The following IL17B variants were observed in gnomAD, a reference collection of about 807,000 sequenced individuals.
IL17B encodes the protein interleukin 17B.
IL17B carries 14 observed loss-of-function variants against 14.7 expected under a neutral mutation model. The ratio of observed to expected loss-of-function variants is 0.95; its 90% CI spans 0.63 to 1.49. IL17B has a LOEUF of 1.49. Among genes scored for constraint, IL17B ranks in the 40% most tolerant of loss-of-function variants. The pLI is 0.00. For missense variants in IL17B, 233 were observed against 252.8 expected, an observed-to-expected ratio of 0.92 and a Z score of 0.53; for synonymous variants, 105 against 94.8, an observed-to-expected ratio of 1.11 and a Z score of -0.62.
At position 149,403,466 on chromosome 5, in the gene IL17B, T is replaced by C. The variant is rs191976889; in HGVS notation, n.95+642A>G. 1.9e-3 allele frequency among the ~76,000 whole-genome samples: 287 copies of C among 152,306 alleles called. 1 individual carries two copies. Among genetic ancestry groups the C allele is most frequent in the African/African-American group, 6.4e-3 (267 of 41,564 alleles). On this transcript the variant is annotated intron_variant and non_coding_transcript_variant, in intron 1 of 2. Transcript: ENST00000505432. ...CAAATAATTATAGGCATTTCATCAC[T>C]AATTGTCCATATTCCCACCTCCCAC...
chr5:149,403,002 C>CA (rs36121550), intron 1 of IL17B, among the ~76,000 whole-genome samples: 687 of 60,428 alleles, frequency 0.011, 21 homozygotes, highest in South Asian at 0.017. Flanking sequence ...GACTCCATCT[C>CA]AAAAAAAAAA....
intron 1 of IL17B, among the ~76,000 whole-genome samples, chr5:149,403,302 T>C (rs890118551): frequency 2.0e-5 from 3 of 151,886 alleles, no homozygotes; most frequent in Non-Finnish European, 4.4e-5. Context: ...CCCAGGATGG[T>C]CTCAAACTCC....
At chr5:149,386,342 G>A (rs1332551085) in intron 1 of IL17B, among the ~76,000 whole-genome samples, 2 of 152,248 alleles carry the variant, frequency 1.3e-5, no homozygotes, top group African/African-American at 4.8e-5. Flanking sequence ...TGAGAGCTGT[G>A]CACAACACAA....
In IL17B at chr5:149,376,719, A is replaced by G. The variant is rs1365923961; in HGVS notation, c.311+17T>C. The G allele has an allele frequency of 1.9e-6, 3 of 1,584,026 alleles. No homozygotes were observed. The highest frequency in any genetic ancestry group is 2.6e-6 in the Non-Finnish European group (3 of 1,165,272). On this transcript the variant is annotated intron_variant, in intron 2 of 2. Transcript: ENST00000261796. ...CCCCACCCCCCAAAGACAGCTTGCCACCACTGCCCAGCCTACCTGTAGCCC... is the reference window on the plus strand; with the variant it reads ...CCCCACCCCCCAAAGACAGCTTGCCGCCACTGCCCAGCCTACCTGTAGCCC...
At chr5:149,400,802 G>T (rs533551774) in intron 1 of IL17B, among the ~76,000 whole-genome samples, 8 of 152,330 alleles carry the variant, frequency 5.3e-5, no homozygotes, top group Non-Finnish European at 1.2e-4. Context: ...AGCCAGGGGT[G>T]CCACTGGTGT....
At chr5:149,394,566 T>C (rs976858294) in intron 1 of IL17B, among the ~76,000 whole-genome samples, 4 of 152,232 alleles carry the variant, frequency 2.6e-5, no homozygotes, top group African/African-American at 4.8e-5. Flanking sequence ...TAGGACTCTC[T>C]AAAAGTCTTT....
upstream of IL17B, among the ~76,000 whole-genome samples, chr5:149,379,727 A>C (rs1365805162): frequency 6.6e-6 from 1 of 152,050 alleles, no homozygotes; most frequent in Admixed American, 6.5e-5. Context: ...AGCCTCAGGC[A>C]CTCCAGCCTC....
intron 1 of IL17B, among the ~76,000 whole-genome samples, chr5:149,391,265 G>T (rs1332641680): frequency 3.3e-5 from 5 of 152,074 alleles, no homozygotes; most frequent in Non-Finnish European, 7.4e-5. Flanking sequence ...TGCGCCCAGC[G>T]TTGGACCAGG....
intron 1 of IL17B, among the ~76,000 whole-genome samples, chr5:149,385,687 G>C (rs986281553): frequency 5.9e-5 from 9 of 152,366 alleles, no homozygotes; most frequent in Admixed American, 3.9e-4. Flanking sequence ...TTTATCCTCT[G>C]CTCAGAGTTT....
At chr5:149,386,384 C>T (rs574915225) in intron 1 of IL17B, among the ~76,000 whole-genome samples, 2 of 152,308 alleles carry the variant, frequency 1.3e-5, no homozygotes, top group Admixed American at 6.5e-5. Flanking sequence ...CTCTGACACA[C>T]ATCACATCAC....
At chr5:149,384,992 T>TCC (rs1758793441) in intron 1 of IL17B, among the ~76,000 whole-genome samples, 1 of 149,014 alleles carries the variant, frequency 6.7e-6, no homozygotes, top group Non-Finnish European at 1.5e-5. Flanking sequence ...CACTGCAGCC[T>TCC]CCGCCTCCCA....
chr5:149,387,391 G>A (rs914377208), intron 1 of IL17B, among the ~76,000 whole-genome samples: 2 of 152,194 alleles, frequency 1.3e-5, no homozygotes, highest in Non-Finnish European at 2.9e-5. Flanking sequence ...GGAGATGGAA[G>A]GTGTCCAGCC....
chr5:149,393,273 G>A (rs1354437763), intron 1 of IL17B, among the ~76,000 whole-genome samples: 1 of 152,072 alleles, frequency 6.6e-6, no homozygotes, highest in Non-Finnish European at 1.5e-5. Context: ...TCTTCAGGTC[G>A]CAGTGCACGC....
chr5:149,375,454 G>C (rs2227459), intron 2 of IL17B, among the ~76,000 whole-genome samples: 39 of 152,340 alleles, frequency 2.6e-4, no homozygotes, highest in African/African-American at 9.4e-4. Flanking sequence ...ATCTGAAGCT[G>C]CATTTTTATC....
chr5:149,378,833 T>C (rs980709396), intron 1 of IL17B, among the ~76,000 whole-genome samples: 2 of 151,902 alleles, frequency 1.3e-5, no homozygotes, highest in African/African-American at 4.8e-5. Flanking sequence ...AGAATCAAAG[T>C]CCCCCTCCCT....
intron 1 of IL17B, among the ~76,000 whole-genome samples, chr5:149,384,666 G>A (rs1413979606): frequency 1.3e-5 from 2 of 152,172 alleles, no homozygotes; most frequent in Non-Finnish European, 2.9e-5. Flanking sequence ...CTGGCACAGG[G>A]AATGGCCCTG....
chr5:149,383,951 G>C (rs1758764482), upstream of IL17B, among the ~76,000 whole-genome samples: 1 of 152,274 alleles, frequency 6.6e-6, no homozygotes, highest in South Asian at 2.1e-4. Context: ...TGTGTTTCTG[G>C]GTTGCAAATT....
intron 1 of IL17B, among the ~76,000 whole-genome samples, chr5:149,389,240 G>A (rs1163471643): frequency 6.6e-6 from 1 of 152,186 alleles, no homozygotes; most frequent in Non-Finnish European, 1.5e-5. Context: ...GAGATTCAAA[G>A]CTGAGGCAGA....
chr5:149,377,721 T>C (rs1412533623), intron 1 of IL17B, among the ~76,000 whole-genome samples: 1 of 146,566 alleles, frequency 6.8e-6, no homozygotes, highest in African/African-American at 2.5e-5. Flanking sequence ...GACAATGGCC[T>C]GGGAAACTTT....
Sources: allele counts gnomAD v4.1 joint callset (sites outside exome capture counted in the v4.1 genomes callset), GRCh38; gene constraint gnomAD v4.1.1; transcripts MANE v1.5; gene names NCBI Gene and HGNC (gene_info 2026-07-23, HGNC 2026-07-21).